Variants in CACNG2 observed in about 807,000 individuals in gnomAD.
The protein encoded by CACNG2 is voltage-dependent calcium channel gamma-2 subunit.
A neutral mutation model predicts 25.9 loss-of-function variants in CACNG2; 3 were observed. The observed-to-expected ratio is 0.12, with a 90% CI of 0.05 to 0.30. The LOEUF is 0.30. Ranked by LOEUF, CACNG2 falls within the 10% of genes least tolerant of loss-of-function variation. The pLI is 1.00. For missense variants in CACNG2, 341 were observed against 432.5 expected, an observed-to-expected ratio of 0.79 and a Z score of 1.88; for synonymous variants, 167 against 173.3, an observed-to-expected ratio of 0.96 and a Z score of 0.29.
rs944648179 is a variant in CACNG2, at chr22:36,589,709, T to C, written c.212-2161A>G. 3.3e-5 allele frequency among the ~76,000 whole-genome samples: 5 copies of C among 152,264 alleles called. No individual in the cohort carries two copies. The East Asian group carries it at 9.7e-4, about 29-fold the overall frequency. ...TCTTCTCTGAGTGTTTTGGGTTCCC[T>C]GCTTTTTGCTGTCCCCACCCCCATC... On this transcript the variant is annotated intron_variant, in intron 1 of 3. Coordinates refer to ENST00000300105, the MANE Select transcript of CACNG2 (RefSeq NM_006078.5).
At chr22:36,689,537 C>G (rs1937242689) in intron 1 of CACNG2, among the ~76,000 whole-genome samples, 1 of 152,206 alleles carries the variant, frequency 6.6e-6, no homozygotes, top group Non-Finnish European at 1.5e-5. Context: ...TAATTCAGGT[C>G]TGACCATTCT....
chr22:36,684,024 T>C (rs771742787), intron 1 of CACNG2, among the ~76,000 whole-genome samples: 1 of 152,216 alleles, frequency 6.6e-6, no homozygotes, highest in Non-Finnish European at 1.5e-5. Context: ...TGTCAGTGTC[T>C]CTTTTATCAC....
intron 1 of CACNG2, among the ~76,000 whole-genome samples, chr22:36,595,413 A>C (rs1205749088): frequency 6.6e-6 from 1 of 152,194 alleles, no homozygotes; most frequent in Non-Finnish European, 1.5e-5. Context: ...TATTCACACC[A>C]TGGGAACCCA....
chr22:36,570,762 CAAAAAA>C lies in CACNG2; in HGVS notation c.296-4275_296-4270del, dbSNP rs11445356. Among the ~76,000 whole-genome samples, 570 of 64,174 alleles carry C rather than the reference CAAAAAA, an allele frequency of 8.9e-3. 5 individuals carry two copies. Among genetic ancestry groups the C allele is most frequent in the African/African-American group, 0.028 (550 of 19,484 alleles). 42.1% of individuals were successfully genotyped at this position (64,174 alleles called of 152,430 possible). ...TGGGCAACAGAGCAAGACTCCATCT[CAAAAAA>C]AAAAAAAAAAAAAAAGGCAACAGTG... On this transcript the variant is annotated intron_variant, in intron 2 of 3. Transcript: ENST00000300105.
chr22:36,653,763 C>T (rs577715060), intron 1 of CACNG2, among the ~76,000 whole-genome samples: 130 of 152,198 alleles, frequency 8.5e-4, no homozygotes, highest in African/African-American at 3.0e-3. Flanking sequence ...TGTGTCCAAG[C>T]CTGTGGGACC....
At chr22:36,661,966 CTTTTTTTTTTT>C (rs71193254) in intron 1 of CACNG2, among the ~76,000 whole-genome samples, 94 of 44,580 alleles carry the variant, frequency 2.1e-3, no homozygotes, top group East Asian at 5.5e-3. Context: ...CATTGCTATT[CTTTTTTTTTTT>C]TTTTTTTTTT....
At chr22:36,649,412 CT>C (rs1936574930) in intron 1 of CACNG2, among the ~76,000 whole-genome samples, 1 of 152,004 alleles carries the variant, frequency 6.6e-6, no homozygotes, top group Non-Finnish European at 1.5e-5. Flanking sequence ...CTGCTTCAGT[CT>C]CCCGAGTAGC....
At chr22:36,599,128 T>G (rs1312498724) in intron 1 of CACNG2, among the ~76,000 whole-genome samples, 3 of 152,180 alleles carry the variant, frequency 2.0e-5, no homozygotes, top group African/African-American at 7.2e-5. Context: ...ACAACAAACT[T>G]GGAATAGCCC....
At chr22:36,573,623 C>T (rs939795687) in intron 2 of CACNG2, among the ~76,000 whole-genome samples, 2 of 152,168 alleles carry the variant, frequency 1.3e-5, no homozygotes, top group Admixed American at 6.5e-5. Flanking sequence ...TGAGCCACCA[C>T]ACATGGCCTA....
intron 1 of CACNG2, among the ~76,000 whole-genome samples, chr22:36,646,017 G>A (rs984387534): frequency 8.5e-5 from 13 of 152,190 alleles, no homozygotes; most frequent in Admixed American, 7.9e-4. Flanking sequence ...CACAAAGGAA[G>A]TTGGGGATAG....
intron 1 of CACNG2, among the ~76,000 whole-genome samples, chr22:36,630,495 A>G (rs537574565): frequency 1.3e-5 from 2 of 152,158 alleles, no homozygotes; most frequent in African/African-American, 2.4e-5. Context: ...AGCATTTGGG[A>G]ATCTAATATA....
At chr22:36,650,642 GC>G (rs1243772589) in intron 1 of CACNG2, among the ~76,000 whole-genome samples, 1 of 152,094 alleles carries the variant, frequency 6.6e-6, no homozygotes, top group Non-Finnish European at 1.5e-5. Context: ...CTCCCAAAGT[GC>G]TAGGATTGCA....
intron 1 of CACNG2, among the ~76,000 whole-genome samples, chr22:36,631,075 C>T (rs1338330292): frequency 2.6e-5 from 4 of 152,218 alleles, no homozygotes; most frequent in Non-Finnish European, 5.9e-5. Context: ...GTGATCCACC[C>T]GCCTCGGCCT....
chr22:36,696,759 C>A (rs529646231), intron 1 of CACNG2, among the ~76,000 whole-genome samples: 1 of 152,288 alleles, frequency 6.6e-6, no homozygotes, highest in African/African-American at 2.4e-5. Flanking sequence ...TTGTTGATTG[C>A]AATTTCAAAT....
At position 36,587,508 on chromosome 22, in the gene CACNG2, T is replaced by C; in HGVS notation, c.252A>G (p.Pro84=). ...KGLCKQIDHF[P]EDADYEADTA... is the part of the protein sequence containing the mutation. ...TGTCAGCTTCGTAATCTGCATCCTC[T>C]GGGAAGTGATCAATTTGCTTGCACA... Residue 84 remains proline, a synonymous_variant, in exon 2 of 4, where the codon CCA becomes CCG. Transcript: ENST00000300105. 6.2e-7 allele frequency: 1 copy of C among 1,613,834 alleles called. No homozygotes were observed. Among genetic ancestry groups the C allele is most frequent in the Non-Finnish European group, 8.5e-7 (1 of 1,179,668 alleles).
At chr22:36,588,064 C>T (rs1935532727) in intron 1 of CACNG2, among the ~76,000 whole-genome samples, 2 of 152,226 alleles carry the variant, frequency 1.3e-5, no homozygotes, top group South Asian at 4.1e-4. Flanking sequence ...TTCACCAAAC[C>T]CAGCCGCCAA....
intron 1 of CACNG2, among the ~76,000 whole-genome samples, chr22:36,633,024 T>C (rs992552087): frequency 6.6e-6 from 1 of 152,212 alleles, no homozygotes; most frequent in Admixed American, 6.5e-5. Context: ...CCTTCAAGCC[T>C]CTTTGCTAAC....
intron 1 of CACNG2, among the ~76,000 whole-genome samples, chr22:36,623,257 G>A (rs1301245316): frequency 1.3e-5 from 2 of 151,992 alleles, no homozygotes; most frequent in Admixed American, 6.5e-5. Context: ...CTGACCTCAA[G>A]TGATCTGCCT....
intron 1 of CACNG2, among the ~76,000 whole-genome samples, chr22:36,602,281 T>G (rs1177089777): frequency 6.6e-6 from 1 of 152,178 alleles, no homozygotes; most frequent in Non-Finnish European, 1.5e-5. Flanking sequence ...TTATCTAATA[T>G]ATGGTTTGCA....
Sources: gnomAD v4.1 joint callset for allele counts (sites outside exome capture counted in the v4.1 genomes callset) on GRCh38, gnomAD v4.1.1 for gene constraint, MANE v1.5 for transcripts, NCBI Gene and HGNC (gene_info 2026-07-23, HGNC 2026-07-21) for gene names.